The following GAK variants were observed in gnomAD, a reference collection of about 807,000 sequenced individuals.
GAK encodes cyclin G associated kinase, also known as cyclin-G-associated kinase.
GAK carries 79 observed loss-of-function variants against 143.9 expected under a neutral mutation model. The ratio of observed to expected loss-of-function variants is 0.55; its 90% CI spans 0.46 to 0.66. GAK has a LOEUF of 0.66. Ranked by LOEUF, GAK falls within the 30% of genes least tolerant of loss-of-function variation. The pLI, the probability that GAK is intolerant of heterozygous loss-of-function variation, is 0.00. For missense variants in GAK, 1,693 were observed against 1,779.7 expected (o/e 0.95, Z 0.88); for synonymous variants, 881 against 765.5 (o/e 1.15, Z -2.49).
At chr4:906,269 C>G (rs899185666) in intron 4 of GAK, among the ~76,000 whole-genome samples, 2 of 152,232 alleles carry the variant, frequency 1.3e-5, no homozygotes, top group Non-Finnish European at 2.9e-5. Flanking sequence ...GAAATGACTA[C>G]AAATACACAA....
At chr4:882,909 G>C (rs1715453127) in intron 13 of GAK, 90 bp from the exon 14 acceptor site, 1 of 1,519,152 alleles carries the variant, frequency 6.6e-7, no homozygotes, top group Non-Finnish European at 8.9e-7. Flanking sequence ...TGCAGTGCGG[G>C]GGCCTCCGCC....
At chr4:893,822 G>T in intron 8 of GAK, 52 bp downstream of exon 8, 1 of 1,513,886 alleles carries the variant, frequency 6.6e-7, no homozygotes. Flanking sequence ...AGAGCCACGC[G>T]GGGTCTGTGC....
At chr4:929,454 A>C (rs1725336416) in intron 1 of GAK, among the ~76,000 whole-genome samples, 1 of 152,206 alleles carries the variant, frequency 6.6e-6, no homozygotes, top group Non-Finnish European at 1.5e-5. Flanking sequence ...CACAGGCTCC[A>C]CTTCAGAAGC....
chr4:893,737 G>A (rs1294402148), intron 8 of GAK, 137 bp downstream of exon 8: 5 of 1,089,126 alleles, frequency 4.6e-6, no homozygotes, highest in Non-Finnish European at 6.3e-6. Flanking sequence ...CCCCCCCCCA[G>A]GGATGTTGTC....
rs748652144 is a variant in GAK, at chr4:867,288, G to A, written c.2540C>T (p.Pro847Leu). The change falls in exon 21 of 28, where the codon CCA becomes CTA. Residue 847 changes from proline (P) to leucine (L), a missense_variant. Around this residue, in one of 2 missense-constraint regions of GAK, gnomAD observed 822 missense variants for 788.7 expected, o/e 1.04. Coordinates refer to ENST00000314167, the MANE Select transcript of GAK (RefSeq NM_005255.4). Reference sequence around the variant, plus strand: ...CCCTGCTGCCAGGCCGGGGGGCTCTGGGTCGGCCCTGGGTTCCTGGCCCTC... The same window carrying A: ...CCCTGCTGCCAGGCCGGGGGGCTCTAGGTCGGCCCTGGGTTCCTGGCCCTC... ...SSEGQEPRADPEPPGLAAGLV... is the reference protein window; with the variant it reads ...SSEGQEPRADLEPPGLAAGLV... The A allele has an allele frequency of 4.3e-6, 7 of 1,612,996 alleles. No individual in the cohort carries two copies. The South Asian group carries it at 6.6e-5, about 15-fold the overall frequency.
chr4:875,136 G>A (rs1429513188), intron 18 of GAK, among the ~76,000 whole-genome samples: 1 of 152,102 alleles, frequency 6.6e-6, no homozygotes, highest in Non-Finnish European at 1.5e-5. Context: ...TTAAGTCCCC[G>A]ACAGGTCCTT....
intron 1 of GAK, among the ~76,000 whole-genome samples, chr4:922,723 C>T (rs1266873124): frequency 6.6e-6 from 1 of 152,122 alleles, no homozygotes; most frequent in Non-Finnish European, 1.5e-5. Context: ...AATGTATGGC[C>T]ACTCAAGAAA....
At position 868,099 on chromosome 4, in the gene GAK, A is replaced by G. The variant is rs138629594; in HGVS notation, c.2395+440T>C. On this transcript the variant is annotated intron_variant, in intron 20 of 27. Transcript: ENST00000314167. ...TTGGGGTGTGTCTGGGGTGAGGTCCAGTGATGGCGCCCAGGTGTTTTCCTG... is the reference window on the plus strand; with the variant it reads ...TTGGGGTGTGTCTGGGGTGAGGTCCGGTGATGGCGCCCAGGTGTTTTCCTG... Among the ~76,000 whole-genome samples the G allele has an allele frequency of 2.4e-3, 360 of 152,278 alleles. 1 individual carries two copies. The highest frequency in any genetic ancestry group is 8.2e-3 in the African/African-American group (340 of 41,564).
At chr4:850,557 G>A in intron 26 of GAK, 1 of 194,924 alleles carries the variant, frequency 5.1e-6, no homozygotes, top group East Asian at 1.2e-4. Context: ...GGGTTGGGAG[G>A]CTCAGTACCC....
intron 27 of GAK, 58 bp downstream of exon 27, chr4:849,834 A>AGCCCCCCCCCC: frequency 2.1e-6 from 2 of 942,246 alleles, no homozygotes; most frequent in Non-Finnish European, 3.1e-6. Flanking sequence ...GCGGGGCAGG[A>AGCCCCCCCCCC]CCCCCCCCCC....
rs750787180 is a variant in GAK at position 912,760 on chromosome 4, G to A, written c.242C>T (p.Ala81Val). The change falls in exon 3 of 28, where the codon GCC becomes GTC. Residue 81 changes from alanine to valine, a missense_variant. Coordinates refer to ENST00000314167, the MANE Select transcript of GAK (RefSeq NM_005255.4). ...LLSNEEEKNRAIIQEVCFMKK... is the reference protein window; with the variant it reads ...LLSNEEEKNRVIIQEVCFMKK... ...CATGAAGCAAACTTCTTGAATGATG[G>A]CTCTGTTCTTTTCCTCTTCATTGGA... 1.2e-6 allele frequency: 2 copies of A among 1,613,858 alleles called. No individual in the cohort carries two copies. Among genetic ancestry groups the A allele is most frequent in the Non-Finnish European group, 1.7e-6 (2 of 1,179,828 alleles).
intron 7 of GAK, among the ~76,000 whole-genome samples, chr4:896,041 C>T (rs576088083): frequency 1.3e-5 from 2 of 152,152 alleles, no homozygotes; most frequent in African/African-American, 2.4e-5. Context: ...GCAGGTGGAC[C>T]GCTTGAGCTC....
intron 19 of GAK, chr4:869,712 C>T (rs188939397): frequency 1.3e-5 from 2 of 151,396 alleles, no homozygotes; most frequent in African/African-American, 2.4e-5. Flanking sequence ...GCACACACAG[C>T]ACACACAGAT....
chr4:896,372 C>G, intron 7 of GAK, 88 bp downstream of exon 7: 1 of 1,005,024 alleles, frequency 1.0e-6, no homozygotes, highest in Non-Finnish European at 1.6e-6. Context: ...CAGGCCAGTT[C>G]CGAGTGGCAG....
At chr4:850,638 G>GACCCCC in intron 26 of GAK, 1 of 155,518 alleles carries the variant, frequency 6.4e-6, no homozygotes, top group Non-Finnish European at 1.4e-5. Context: ...CTCCTGTAAC[G>GACCCCC]CCCGCCCACC....
At chr4:876,886 G>A (rs1303963881) in intron 17 of GAK, among the ~76,000 whole-genome samples, 1 of 152,250 alleles carries the variant, frequency 6.6e-6, no homozygotes, top group African/African-American at 2.4e-5. Flanking sequence ...GAAACGCCAG[G>A]CTTTTCAGGT....
chr4:883,582 G>C, intron 12 of GAK, 119 bp from the exon 13 acceptor site: 1 of 1,158,810 alleles, frequency 8.6e-7, no homozygotes, highest in Non-Finnish European at 1.2e-6. Context: ...AGCTCCACCA[G>C]CCACTGCCCA....
Position 851,018 on chromosome 4 carries a change from C to T in GAK, c.3575G>A (p.Arg1192Lys). 1 of 1,614,060 alleles carries T rather than the reference C, an allele frequency of 6.2e-7. No individual in the cohort carries two copies. Among genetic ancestry groups the T allele is most frequent in the Middle Eastern group, 1.6e-4 (1 of 6,062 alleles). The stretch of plus-strand genomic sequence containing the variant: ...GGTCTTTGGCCCTTTCTTGTCAGAC[C>T]TGGAGGAGAAGCCTTGATTGGACAA... Reference protein sequence around the residue: ...DLLSNQGFSSRSDKKGPKTIA... With the variant: ...DLLSNQGFSSKSDKKGPKTIA... Residue 1192 changes from arginine (R) to lysine (K), a missense_variant, in exon 26 of 28, where the codon AGG becomes AAG. By Grantham distance (26) the Arg-to-Lys change is conservative. Transcript: ENST00000314167.
intron 24 of GAK, among the ~76,000 whole-genome samples, chr4:856,227 CCACCACAGCTGCTCACACCTGCT>C (rs1749120612): frequency 3.1e-5 from 4 of 129,366 alleles, no homozygotes; most frequent in South Asian, 2.7e-4. Flanking sequence ...CAGCTGCTCA[CCACCACAGCTGCTCACACCTGCT>C]CACCACAGCT....
Sources: allele counts gnomAD v4.1 joint callset (sites outside exome capture counted in the v4.1 genomes callset), GRCh38; gene constraint gnomAD v4.1.1; regional missense constraint gnomAD v4.1.1; transcripts MANE v1.5; gene names NCBI Gene and HGNC (gene_info 2026-07-23, HGNC 2026-07-21).